Variants in CACNG7 observed in about 807,000 individuals in gnomAD.
CACNG7 encodes the protein voltage-dependent calcium channel gamma-7 subunit.
A neutral mutation model predicts 26.3 loss-of-function variants in CACNG7; 9 were observed. That is an observed-to-expected ratio of 0.34 (90% CI 0.21 to 0.60). The LOEUF (loss-of-function observed/expected upper bound fraction) is 0.60. CACNG7 is among the 20% of genes least tolerant of loss of function. CACNG7 has a pLI of 0.81. For missense variants in CACNG7, 297 were observed against 380.4 expected (o/e 0.78, Z 1.82); for synonymous variants, 170 against 157.0 (o/e 1.08, Z -0.62).
Position 53,912,503 on chromosome 19 carries a change from C to G in CACNG7, c.-29-300C>G, listed in dbSNP as rs556749115. 1.3e-5 allele frequency among the ~76,000 whole-genome samples: 2 copies of G among 152,176 alleles called. No homozygotes were observed. The highest frequency in any genetic ancestry group is 4.8e-5 in the African/African-American group (2 of 41,436). On this transcript the variant is annotated intron_variant, in intron 1 of 5. Transcript: ENST00000391767. This position sits in a 1 kb window ranked among gnomAD's most constrained non-coding sequence, Gnocchi z 4.6. ...AACACGGTTGGAGCCAAGATTCAAT[C>G]TCTGGGCCTGGGCTGAAAGTTGTGA... is the stretch of plus-strand genomic sequence containing the variant.
chr19:53,922,530 C>G (rs967180561), intron 4 of CACNG7, among the ~76,000 whole-genome samples: 8 of 86,348 alleles, frequency 9.3e-5, no homozygotes, highest in Admixed American at 2.8e-4. Context: ...TGGAGTTGTC[C>G]CAGGCTGGTC....
intron 4 of CACNG7, among the ~76,000 whole-genome samples, chr19:53,923,427 T>TC (rs549761015): frequency 6.3e-5 from 7 of 110,882 alleles, no homozygotes; most frequent in East Asian, 3.2e-4. Flanking sequence ...CCAGGTCTGG[T>TC]ATTGGTGGAG....
chr19:53,923,798 T>TCTGGTCATTGGTGGAGTTGCCTCAGG (rs2068991586), intron 4 of CACNG7, among the ~76,000 whole-genome samples: 1 of 97,756 alleles, frequency 1.0e-5, no homozygotes, highest in African/African-American at 4.9e-5. Context: ...TTGCCCCAGG[T>TCTGGTCATTGGTGGAGTTGCCTCAGG]CTGGTCATTG....
intron 4 of CACNG7, among the ~76,000 whole-genome samples, chr19:53,937,467 T>C (rs2069111967): frequency 6.6e-6 from 1 of 152,180 alleles, no homozygotes; most frequent in Non-Finnish European, 1.5e-5. Flanking sequence ...ACCCGGTTGA[T>C]GAGAAGTGGT....
chr19:53,923,587 T>A (rs1394774333), intron 4 of CACNG7, among the ~76,000 whole-genome samples: 2 of 112,274 alleles, frequency 1.8e-5, no homozygotes, highest in Non-Finnish European at 3.7e-5. Flanking sequence ...CCCAGGCTGG[T>A]CATTGGTGGA....
chr19:53,919,348 G>C (rs1391477942), intron 4 of CACNG7, among the ~76,000 whole-genome samples: 2 of 151,272 alleles, frequency 1.3e-5, no homozygotes, highest in Non-Finnish European at 3.0e-5. Context: ...GAGTTGCCCA[G>C]GTCTGGTCAT....
In CACNG7 at chr19:53,914,691, G is replaced by A. The variant is rs1025777287; in HGVS notation, c.283+105G>A. ...AGGGAAAGGGTGGGGTCCAAGGGAAGGAGGGGAGGCTTGAAAGAAGGCAGA... is the reference window on the plus strand; with the variant it reads ...AGGGAAAGGGTGGGGTCCAAGGGAAAGAGGGGAGGCTTGAAAGAAGGCAGA... On this transcript the variant is annotated intron_variant, in intron 3 of 5. Coordinates refer to ENST00000391767, the MANE Select transcript of CACNG7 (RefSeq NM_031896.5). 9.7e-6 allele frequency: 10 copies of A among 1,026,572 alleles called. No individual in the cohort carries two copies. In the African/African-American group the frequency reaches 1.3e-4, roughly 13 times the overall value. The allele number at this position is 1,026,572 out of a possible 1,614,324, so 63.6% of individuals were successfully genotyped here.
chr19:53,921,624 GGTGGAGT>G, intron 4 of CACNG7, among the ~76,000 whole-genome samples: 1 of 80,130 alleles, frequency 1.2e-5, no homozygotes. Flanking sequence ...TCTGGTCATT[GGTGGAGT>G]CGTCCCCAGG....
intron 4 of CACNG7, among the ~76,000 whole-genome samples, chr19:53,916,582 G>A (rs569424589): frequency 7.0e-6 from 1 of 143,288 alleles, no homozygotes; most frequent in Non-Finnish European, 1.5e-5. Flanking sequence ...TCTGCCTCCC[G>A]GGTTCAGACA....
intron 4 of CACNG7, among the ~76,000 whole-genome samples, chr19:53,918,181 C>T (rs898054715): frequency 3.3e-5 from 5 of 152,226 alleles, no homozygotes; most frequent in Admixed American, 2.6e-4. Context: ...CTACCACTTA[C>T]GGTTTGAACC....
chr19:53,919,871 GC>G (rs2068926937), intron 4 of CACNG7, among the ~76,000 whole-genome samples: 1 of 134,856 alleles, frequency 7.4e-6, no homozygotes, highest in South Asian at 2.5e-4. Flanking sequence ...TGGTGGACTT[GC>G]CCCAGGCTGG....
intron 4 of CACNG7, among the ~76,000 whole-genome samples, chr19:53,927,179 C>G (rs2069037581): frequency 6.6e-6 from 1 of 152,056 alleles, no homozygotes; most frequent in Non-Finnish European, 1.5e-5. Context: ...CTTGGCCTCC[C>G]AAAGTTCCGG....
rs75581005 is a variant in CACNG7, at chr19:53,922,657, C to G, written c.424+7152C>G. 1.4e-3 allele frequency among the ~76,000 whole-genome samples: 77 copies of G among 53,528 alleles called. 8 individuals carry two copies. The highest frequency in any genetic ancestry group is 2.8e-3 in the African/African-American group (12 of 4,286). 35.1% of individuals were successfully genotyped at this position (53,528 alleles called of 152,430 possible). A position where few individuals can be genotyped will look rare whatever the true frequency, so the allele number is the denominator to read the frequency against. On this transcript the variant is annotated intron_variant, in intron 4 of 5. Transcript: ENST00000391767. ...TTGTCCCCAGGCCTGGTCATTGGTG[C>G]AGTTGTCCCAGGCTGGTCATTGGTG... is the stretch of plus-strand genomic sequence containing the variant.
chr19:53,940,653 T>A lies in CACNG7; in HGVS notation c.425-817T>A, dbSNP rs1203246006. Among the ~76,000 whole-genome samples the A allele has an allele frequency of 1.3e-5, 2 of 152,172 alleles. No individual in the cohort carries two copies. The highest frequency in any genetic ancestry group is 4.8e-5 in the African/African-American group (2 of 41,436). ...TTTCTCTAACCTCATTTCTTGTGGCTACAGCTTATGTTACAGCTACATGGG... is the reference window on the plus strand; with the variant it reads ...TTTCTCTAACCTCATTTCTTGTGGCAACAGCTTATGTTACAGCTACATGGG... On this transcript the variant is annotated intron_variant, in intron 4 of 5. Transcript: ENST00000391767. The surrounding 1 kb of genome is among the most constrained non-coding windows in gnomAD (Gnocchi z 4.1).
intron 4 of CACNG7, among the ~76,000 whole-genome samples, chr19:53,921,823 C>T (rs368976694): frequency 2.0e-4 from 15 of 74,998 alleles, no homozygotes; most frequent in South Asian, 7.8e-4. Flanking sequence ...GGTGGAGTTG[C>T]CCCAGGTCTG....
chr19:53,922,937 T>C (rs74681912), intron 4 of CACNG7, among the ~76,000 whole-genome samples: 6 of 69,370 alleles, frequency 8.6e-5, no homozygotes, highest in Admixed American at 2.5e-4. Flanking sequence ...TTGTCCCAGG[T>C]CTGGTCATTG....
chr19:53,911,486 C>T (rs984912794), intron 1 of CACNG7, among the ~76,000 whole-genome samples: 2 of 152,086 alleles, frequency 1.3e-5, no homozygotes, highest in Admixed American at 1.3e-4. Flanking sequence ...GGTCCAGGAG[C>T]CTGCCTAGAT....
chr19:53,927,792 C>T (rs7250856), intron 4 of CACNG7, among the ~76,000 whole-genome samples: 27,264 of 149,562 alleles, frequency 0.18, 3,910 homozygotes, highest in African/African-American at 0.39. Flanking sequence ...GAGCCGAGAT[C>T]GCACCATTGC....
rs919650638 is a variant in CACNG7, at chr19:53,942,522, C to T, written c.*229C>T. ...TCCTTTTCATTGGTCCCTCTCACTC[C>T]CAAATGACTCCTCCCCTTCGTTGGC... On this transcript the variant is annotated 3_prime_UTR_variant, in exon 6 of 6. Transcript: ENST00000391767. The surrounding 1 kb of genome is among the most constrained non-coding windows in gnomAD (Gnocchi z 5.9). 12 of 1,403,008 alleles carry T rather than the reference C, an allele frequency of 8.6e-6. 1 individual carries two copies. In the South Asian group the frequency reaches 1.2e-4, roughly 14 times the overall value. 86.9% of individuals were successfully genotyped at this position (1,403,008 alleles called of 1,614,324 possible).
Sources: gnomAD v4.1 joint callset for allele counts (sites outside exome capture counted in the v4.1 genomes callset) on GRCh38, gnomAD v4.1.1 for gene constraint, Gnocchi (gnomAD v3.1) non-coding constraint, MANE v1.5 for transcripts, NCBI Gene and HGNC (gene_info 2026-07-23, HGNC 2026-07-21) for gene names.